Variants in EPB41L3 observed in about 807,000 individuals in gnomAD.
The protein encoded by EPB41L3 is band 4.1-like protein 3.
Under a neutral mutation model 127.1 loss-of-function variants are expected in EPB41L3, and 57 were observed. That is an observed-to-expected ratio of 0.45 (90% CI 0.36 to 0.56). EPB41L3 has a LOEUF of 0.56. Ranked by LOEUF, EPB41L3 falls within the 20% of genes least tolerant of loss-of-function variation. The probability of loss-of-function intolerance (pLI) is 0.00; values close to 1 mark genes in which losing one functional copy is unlikely to be tolerated. For missense variants in EPB41L3, 1,273 were observed against 1,372.2 expected (o/e 0.93, Z 1.14); for synonymous variants, 572 against 549.5 (o/e 1.04, Z -0.57).
At chr18:5,488,439 A>C (rs2090140878) in intron 2 of EPB41L3, among the ~76,000 whole-genome samples, 1 of 152,062 alleles carries the variant, frequency 6.6e-6, no homozygotes, top group African/African-American at 2.4e-5. Flanking sequence ...GGGGAGGGAT[A>C]GCATTAGGAG....
At chr18:5,498,375 C>T (rs1392432634) in intron 1 of EPB41L3, among the ~76,000 whole-genome samples, 2 of 151,934 alleles carry the variant, frequency 1.3e-5, no homozygotes, top group African/African-American at 2.4e-5. Context: ...GGGTGGATCA[C>T]CTGAGGTAAG....
Position 5,433,535 on chromosome 18 carries a change from T to C in EPB41L3, c.846A>G (p.Ala282=), listed in dbSNP as rs1191913062. ...KSHRGMTPAE[A]EMHFLENAKK... Reference sequence around the variant, plus strand: ...TGGCATTTTCCAAGAAATGCATCTCTGCTTCTGCTGGCGTCATTCCTCTGA... The same window carrying C: ...TGGCATTTTCCAAGAAATGCATCTCCGCTTCTGCTGGCGTCATTCCTCTGA... Residue 282 remains alanine, a synonymous_variant, in exon 8 of 23, where the codon GCA becomes GCG. Transcript: ENST00000341928. 1.2e-5 allele frequency: 19 copies of C among 1,612,974 alleles called. No individual in the cohort carries two copies. Among genetic ancestry groups the C allele is most frequent in the Non-Finnish European group, 1.6e-5 (19 of 1,179,776 alleles).
chr18:5,396,812 G>C (rs2073582116), intron 18 of EPB41L3, among the ~76,000 whole-genome samples: 1 of 152,252 alleles, frequency 6.6e-6, no homozygotes, highest in South Asian at 2.1e-4. Flanking sequence ...ATTTCAGTGA[G>C]AGTAGAAACC....
intron 12 of EPB41L3, among the ~76,000 whole-genome samples, chr18:5,417,752 G>A (rs371038853): frequency 3.3e-5 from 5 of 152,184 alleles, no homozygotes; most frequent in Non-Finnish European, 5.9e-5. Flanking sequence ...CTCTTTTTAC[G>A]ATGAGAGAAG....
At chr18:5,406,036 G>C (rs1968180) in intron 16 of EPB41L3, among the ~76,000 whole-genome samples, 146,974 of 152,218 alleles carry the variant, frequency 0.97, 71,155 homozygotes, top group East Asian at 1. Context: ...TCTTAAGTGG[G>C]AAAACTTAAG....
intron 1 of EPB41L3, among the ~76,000 whole-genome samples, chr18:5,527,573 T>A (rs2093271724): frequency 6.6e-6 from 1 of 152,178 alleles, no homozygotes; most frequent in African/African-American, 2.4e-5. Flanking sequence ...GCCATGAAGC[T>A]GATATTCTGG....
At chr18:5,526,260 T>C (rs1476240264) in intron 1 of EPB41L3, among the ~76,000 whole-genome samples, 1 of 152,238 alleles carries the variant, frequency 6.6e-6, no homozygotes, top group Non-Finnish European at 1.5e-5. Context: ...GAAGCGCCTG[T>C]ATTTCTTGGT....
chr18:5,591,461 C>T (rs1300904769), intron 3 of EPB41L3, among the ~76,000 whole-genome samples: 1 of 152,168 alleles, frequency 6.6e-6, no homozygotes, highest in Non-Finnish European at 1.5e-5. Context: ...TTTATAAAGG[C>T]ACTAATCTCA....
chr18:5,593,507 G>A (rs2094506224), intron 3 of EPB41L3, among the ~76,000 whole-genome samples: 1 of 152,132 alleles, frequency 6.6e-6, no homozygotes, highest in Non-Finnish European at 1.5e-5. Flanking sequence ...GATATCACAA[G>A]GCAAATGGAG....
intron 1 of EPB41L3, among the ~76,000 whole-genome samples, chr18:5,499,068 G>C (rs888526119): frequency 1.3e-5 from 2 of 152,002 alleles, no homozygotes; most frequent in Admixed American, 1.3e-4. Flanking sequence ...TAGTTAAACA[G>C]GGATGACGCC....
chr18:5,566,116 A>G (rs996562450), intron 3 of EPB41L3, among the ~76,000 whole-genome samples: 2 of 152,136 alleles, frequency 1.3e-5, no homozygotes, highest in Non-Finnish European at 2.9e-5. Context: ...TCTGGCCAGG[A>G]CAATCAGGCA....
In EPB41L3 at chr18:5,568,618, T is replaced by C. The variant is rs74577825; in HGVS notation, c.-306+43722A>G. ...CACGTCTGTGGGTGATACTGATTATTTGTCAACATGAGAAGAAACTAAGGA... is the reference window on the plus strand; with the variant it reads ...CACGTCTGTGGGTGATACTGATTATCTGTCAACATGAGAAGAAACTAAGGA... On this transcript the variant is annotated intron_variant, in intron 3 of 21. Transcript: ENST00000545076. 2.4e-3 allele frequency among the ~76,000 whole-genome samples: 369 copies of C among 152,236 alleles called. 1 individual carries two copies. The highest frequency in any genetic ancestry group is 8.6e-3 in the African/African-American group (358 of 41,544).
intron 3 of EPB41L3, among the ~76,000 whole-genome samples, chr18:5,555,984 C>T (rs757694604): frequency 1.1e-4 from 16 of 152,174 alleles, no homozygotes; most frequent in Non-Finnish European, 1.9e-4. Context: ...TGCACCTATG[C>T]GTTTGTGTGT....
chr18:5,434,655 C>T (rs2079487187), intron 6 of EPB41L3, among the ~76,000 whole-genome samples: 1 of 152,190 alleles, frequency 6.6e-6, no homozygotes, highest in South Asian at 2.1e-4. Flanking sequence ...TAGCCTAACA[C>T]ATTACTCACG....
intron 1 of EPB41L3, among the ~76,000 whole-genome samples, chr18:5,530,152 T>C (rs1387589237): frequency 6.6e-6 from 1 of 152,176 alleles, no homozygotes; most frequent in Non-Finnish European, 1.5e-5. Context: ...GCACCATTTA[T>C]TGGGTACTTA....
intron 3 of EPB41L3, among the ~76,000 whole-genome samples, chr18:5,592,914 A>G (rs2094499187): frequency 6.6e-6 from 1 of 152,040 alleles, no homozygotes; most frequent in Non-Finnish European, 1.5e-5. Flanking sequence ...AAAGAAAACA[A>G]CTTTGTATCT....
chr18:5,450,465 T>TG (rs11318006), intron 3 of EPB41L3, among the ~76,000 whole-genome samples: 135 of 147,090 alleles, frequency 9.2e-4, no homozygotes, highest in African/African-American at 9.1e-4. Flanking sequence ...ATAGAGAAAC[T>TG]GGGGGGGGTG....
intron 1 of EPB41L3, among the ~76,000 whole-genome samples, chr18:5,614,746 T>C (rs1018876104): frequency 6.6e-6 from 1 of 152,200 alleles, no homozygotes; most frequent in South Asian, 2.1e-4. Context: ...TAATGCGCTA[T>C]GATTACGAAA....
chr18:5,406,250 TAAAAACA>T (rs566619998), intron 16 of EPB41L3, among the ~76,000 whole-genome samples: 142 of 152,012 alleles, frequency 9.3e-4, no homozygotes, highest in Non-Finnish European at 1.4e-3. Context: ...GACACTGTCT[TAAAAACA>T]AAAAACAAAA....
Sources: allele counts gnomAD v4.1 joint callset (sites outside exome capture counted in the v4.1 genomes callset), GRCh38; gene constraint gnomAD v4.1.1; transcripts MANE v1.5; gene names NCBI Gene and HGNC (gene_info 2026-07-23, HGNC 2026-07-21).